SCFD2: variants seen among roughly 807,000 people sequenced by gnomAD.
SCFD2 encodes the protein sec1 family domain-containing protein 2.
A neutral mutation model predicts 58.9 loss-of-function variants in SCFD2; 54 were observed. The ratio of observed to expected loss-of-function variants is 0.92; its 90% CI spans 0.74 to 1.15. SCFD2 has a LOEUF of 1.15. Among genes scored for constraint, SCFD2 ranks in the 50% most tolerant of loss-of-function variants. The probability of loss-of-function intolerance (pLI) is 0.00; values close to 1 mark genes in which losing one functional copy is unlikely to be tolerated. For missense variants in SCFD2, 805 were observed against 836.6 expected (o/e 0.96, Z 0.47); for synonymous variants, 321 against 335.9 (o/e 0.96, Z 0.49).
intron 3 of SCFD2, among the ~76,000 whole-genome samples, chr4:53,280,516 GAA>G (rs763863863): frequency 7.2e-6 from 1 of 139,482 alleles, no homozygotes. Flanking sequence ...ACTCTGTCTG[GAA>G]AAAAAAAAAA....
chr4:52,880,274 T>G (rs1718575224), intron 8 of SCFD2, among the ~76,000 whole-genome samples: 1 of 151,814 alleles, frequency 6.6e-6, no homozygotes, highest in Non-Finnish European at 1.5e-5. Flanking sequence ...CCTCTTAAGT[T>G]GTGTGCAAAA....
chr4:53,352,568 A>T lies in SCFD2; in HGVS notation c.1007+30T>A, dbSNP rs77974950. On this transcript the variant is annotated intron_variant, in intron 2 of 8. Coordinates refer to ENST00000401642, the MANE Select transcript of SCFD2 (RefSeq NM_152540.4). ...GAAAAAGAAAGGGGAAGACAGAGAA[A>T]GATAAGATGACAAAAACTATATATC... 1.8e-3 allele frequency: 2,813 copies of T among 1,559,678 alleles called. 44 individuals carry two copies. In the African/African-American group the frequency reaches 0.035, roughly 19 times the overall value.
At chr4:53,232,951 G>A (rs1352760489) in intron 4 of SCFD2, among the ~76,000 whole-genome samples, 1 of 152,122 alleles carries the variant, frequency 6.6e-6, no homozygotes, top group East Asian at 1.9e-4. Flanking sequence ...CCATGCGCTA[G>A]CCCAACACTC....
chr4:53,303,371 T>G (rs1311728065), intron 3 of SCFD2, among the ~76,000 whole-genome samples: 1 of 152,186 alleles, frequency 6.6e-6, no homozygotes, highest in Non-Finnish European at 1.5e-5. Context: ...TCACTGGTCA[T>G]CAGAGAAATG....
chr4:53,068,156 T>C (rs1723715716), intron 5 of SCFD2, among the ~76,000 whole-genome samples: 1 of 152,060 alleles, frequency 6.6e-6, no homozygotes, highest in South Asian at 2.1e-4. Context: ...AAAGGGTCTT[T>C]CAAAATTTTC....
chr4:53,290,799 A>G (rs1478114773), intron 3 of SCFD2, among the ~76,000 whole-genome samples: 1 of 152,252 alleles, frequency 6.6e-6, no homozygotes, highest in African/African-American at 2.4e-5. Flanking sequence ...AACTGAAGGA[A>G]TCATAAGGTA....
intron 7 of SCFD2, among the ~76,000 whole-genome samples, chr4:52,892,675 G>C (rs1184571468): frequency 1.3e-5 from 2 of 152,134 alleles, no homozygotes; most frequent in African/African-American, 4.8e-5. Flanking sequence ...CTACTCCTCT[G>C]TGTCCTCACA....
intron 4 of SCFD2, among the ~76,000 whole-genome samples, chr4:53,164,156 A>G (rs1209209495): frequency 6.6e-6 from 1 of 152,156 alleles, no homozygotes; most frequent in Non-Finnish European, 1.5e-5. Flanking sequence ...TACATTTATT[A>G]CTATTTTATT....
chr4:53,173,829 T>C (rs1211220378), intron 4 of SCFD2, among the ~76,000 whole-genome samples: 1 of 152,118 alleles, frequency 6.6e-6, no homozygotes, highest in East Asian at 1.9e-4. Flanking sequence ...TTAACTTTGA[T>C]CACATACACC....
chr4:53,310,272 G>T (rs1732651573), intron 3 of SCFD2, among the ~76,000 whole-genome samples: 1 of 152,288 alleles, frequency 6.6e-6, no homozygotes, highest in East Asian at 1.9e-4. Flanking sequence ...ACAAAGAAAA[G>T]ACAGTATCAT....
chr4:53,288,875 T>G (rs893467512), intron 3 of SCFD2, among the ~76,000 whole-genome samples: 1 of 152,210 alleles, frequency 6.6e-6, no homozygotes, highest in Non-Finnish European at 1.5e-5. Flanking sequence ...AATGGTGGTG[T>G]GTAAATATTT....
At chr4:53,133,939 T>C (rs1424910001) in intron 5 of SCFD2, among the ~76,000 whole-genome samples, 1 of 152,214 alleles carries the variant, frequency 6.6e-6, no homozygotes, top group Non-Finnish European at 1.5e-5. Context: ...CAATTATGAA[T>C]AGTGCTTCAG....
chr4:52,907,169 A>G (rs533164382), intron 7 of SCFD2, among the ~76,000 whole-genome samples: 1 of 152,338 alleles, frequency 6.6e-6, no homozygotes, highest in Non-Finnish European at 1.5e-5. Context: ...ATAGGCTGCA[A>G]GGAGGAGAGT....
chr4:52,971,139 C>T (rs912569040), intron 5 of SCFD2, among the ~76,000 whole-genome samples: 1 of 152,170 alleles, frequency 6.6e-6, no homozygotes, highest in Non-Finnish European at 1.5e-5. Context: ...CCCAGCTCCT[C>T]ACCAGCAATG....
chr4:52,968,467 G>A (rs926320417), intron 5 of SCFD2, among the ~76,000 whole-genome samples: 7 of 152,192 alleles, frequency 4.6e-5, no homozygotes, highest in African/African-American at 1.7e-4. Context: ...GTGGCCGTGG[G>A]GCAAATAGGT....
intron 5 of SCFD2, among the ~76,000 whole-genome samples, chr4:52,971,136 C>T (rs549741434): frequency 7.9e-5 from 12 of 152,288 alleles, no homozygotes; most frequent in African/African-American, 2.9e-4. Context: ...GAACCCAGCT[C>T]CTCACCAGCA....
intron 4 of SCFD2, among the ~76,000 whole-genome samples, chr4:53,190,135 TCTC>T (rs1435636324): frequency 6.6e-6 from 1 of 152,116 alleles, no homozygotes; most frequent in African/African-American, 2.4e-5. Flanking sequence ...AGTCAATGTA[TCTC>T]CTCATCTTCT....
intron 4 of SCFD2, among the ~76,000 whole-genome samples, chr4:53,235,330 T>G (rs1472756805): frequency 1.3e-5 from 2 of 152,218 alleles, no homozygotes; most frequent in African/African-American, 4.8e-5. Context: ...TGGTAAACCA[T>G]GTAAACATTT....
intron 5 of SCFD2, among the ~76,000 whole-genome samples, chr4:52,922,907 A>G (rs1719774366): frequency 6.6e-6 from 1 of 152,230 alleles, no homozygotes; most frequent in Non-Finnish European, 1.5e-5. Flanking sequence ...CTATCCTAGT[A>G]GATGTAAAGT....
Sources: allele counts gnomAD v4.1 joint callset (sites outside exome capture counted in the v4.1 genomes callset), GRCh38; gene constraint gnomAD v4.1.1; transcripts MANE v1.5; gene names NCBI Gene and HGNC (gene_info 2026-07-23, HGNC 2026-07-21).